Variants in MNAT1 observed in about 807,000 individuals in gnomAD.
MNAT1 encodes the protein CDK-activating kinase assembly factor MAT1.
In MNAT1, 43 loss-of-function variants were observed where a neutral mutation model predicts 42.0. The observed-to-expected ratio is 1.02, with a 90% CI of 0.80 to 1.32. The LOEUF (loss-of-function observed/expected upper bound fraction) is 1.32, where lower values mean the gene tolerates loss of function less well. Among genes scored for constraint, MNAT1 ranks in the 40% most tolerant of loss-of-function variants. The pLI is 0.00. For missense variants in MNAT1, 306 were observed against 350.4 expected (o/e 0.87, Z 1.01); for synonymous variants, 118 against 120.0 (o/e 0.98, Z 0.11).
intron 1 of MNAT1, among the ~76,000 whole-genome samples, chr14:60,789,230 GC>G (rs2031743562): frequency 6.6e-6 from 1 of 152,130 alleles, no homozygotes; most frequent in African/African-American, 2.4e-5. Flanking sequence ...AGTTGGTGAA[GC>G]AGTTGGAGTA....
chr14:60,869,646 T>G (rs2034285497), intron 6 of MNAT1, among the ~76,000 whole-genome samples: 1 of 152,198 alleles, frequency 6.6e-6, no homozygotes, highest in African/African-American at 2.4e-5. Context: ...CCTATCGGCC[T>G]AAATTGTCAG....
intron 7 of MNAT1, among the ~76,000 whole-genome samples, chr14:60,881,993 C>G (rs2034561141): frequency 6.6e-6 from 1 of 151,946 alleles, no homozygotes; most frequent in South Asian, 2.1e-4. Context: ...AACCCCGACT[C>G]TACTAAAAAT....
At chr14:60,827,595 G>C (rs2033090623) in intron 6 of MNAT1, among the ~76,000 whole-genome samples, 2 of 152,132 alleles carry the variant, frequency 1.3e-5, no homozygotes, top group East Asian at 3.9e-4. Flanking sequence ...TTTTGCCAAA[G>C]AACAAAAAAC....
At chr14:60,941,337 G>A (rs968547225) in intron 7 of MNAT1, among the ~76,000 whole-genome samples, 6 of 152,266 alleles carry the variant, frequency 3.9e-5, no homozygotes, top group Admixed American at 1.3e-4. Context: ...AGTTTAAAAT[G>A]TAGTCACACT....
At chr14:60,896,631 G>A (rs370761083) in intron 7 of MNAT1, among the ~76,000 whole-genome samples, 1 of 151,966 alleles carries the variant, frequency 6.6e-6, no homozygotes, top group African/African-American at 2.4e-5. Context: ...AAAAACAGGC[G>A]CACACCACCA....
At chr14:60,852,564 T>C (rs1458028769) in intron 6 of MNAT1, among the ~76,000 whole-genome samples, 1 of 152,226 alleles carries the variant, frequency 6.6e-6, no homozygotes, top group Non-Finnish European at 1.5e-5. Context: ...ATCCCATTTG[T>C]CAGTTTTGGC....
chr14:60,851,957 C>T (rs756243154), intron 6 of MNAT1, among the ~76,000 whole-genome samples: 23 of 152,008 alleles, frequency 1.5e-4, no homozygotes, highest in Admixed American at 9.2e-4. Context: ...ATCATTAGTG[C>T]GCATTTGGGT....
intron 1 of MNAT1, among the ~76,000 whole-genome samples, chr14:60,757,382 A>AT (rs1056019836): frequency 1.1e-3 from 168 of 150,874 alleles, no homozygotes; most frequent in African/African-American, 3.8e-3. Flanking sequence ...ATTTTAGTGC[A>AT]TTTTTTTTTA....
At chr14:60,912,459 C>G (rs1298380622) in intron 7 of MNAT1, among the ~76,000 whole-genome samples, 1 of 152,164 alleles carries the variant, frequency 6.6e-6, no homozygotes, top group Non-Finnish European at 1.5e-5. Flanking sequence ...GTGGCTGGCA[C>G]CGGTTGTTCC....
At chr14:60,799,618 G>A (rs189905585) in intron 3 of MNAT1, among the ~76,000 whole-genome samples, 1 of 151,732 alleles carries the variant, frequency 6.6e-6, no homozygotes, top group Non-Finnish European at 1.5e-5. Flanking sequence ...ATACAGAGAA[G>A]GTGAGGAATA....
At chr14:60,766,062 C>G (rs2030801903) in intron 1 of MNAT1, among the ~76,000 whole-genome samples, 1 of 152,036 alleles carries the variant, frequency 6.6e-6, no homozygotes, top group Non-Finnish European at 1.5e-5. Flanking sequence ...TGTTAAATAA[C>G]AAACTCCACT....
At chr14:60,888,866 A>C (rs892873744) in intron 7 of MNAT1, among the ~76,000 whole-genome samples, 7 of 140,736 alleles carry the variant, frequency 5.0e-5, no homozygotes, top group African/African-American at 1.6e-4. Context: ...AAAGAGAATA[A>C]AATACCTAGG....
chr14:60,849,966 G>A (rs1594801041), intron 6 of MNAT1, among the ~76,000 whole-genome samples: 1 of 151,880 alleles, frequency 6.6e-6, no homozygotes, highest in African/African-American at 2.4e-5. Flanking sequence ...CCTCCTGAGT[G>A]GCTGGGATTA....
At chr14:60,794,706 GTA>G (rs920089985) in intron 1 of MNAT1, among the ~76,000 whole-genome samples, 26 of 141,460 alleles carry the variant, frequency 1.8e-4, no homozygotes, top group Non-Finnish European at 3.6e-4. Flanking sequence ...ACATATGTGT[GTA>G]TATATATGTC....
intron 1 of MNAT1, among the ~76,000 whole-genome samples, chr14:60,787,425 TAGA>T (rs1191206874): frequency 1.3e-5 from 2 of 152,208 alleles, no homozygotes; most frequent in Non-Finnish European, 2.9e-5. Flanking sequence ...TTTGTGCTAG[TAGA>T]AGGTCTTGCC....
intron 1 of MNAT1, among the ~76,000 whole-genome samples, chr14:60,767,053 T>C (rs575614920): frequency 2.6e-5 from 4 of 152,354 alleles, no homozygotes; most frequent in African/African-American, 9.6e-5. Flanking sequence ...TGTTAAGGTT[T>C]GGATTCAGAG....
At chr14:60,930,721 A>G (rs118157516) in intron 7 of MNAT1, among the ~76,000 whole-genome samples, 221 of 152,318 alleles carry the variant, frequency 1.5e-3, no homozygotes, top group Non-Finnish European at 2.5e-3. Flanking sequence ...TTGACAGAAC[A>G]GGGTGCCTTG....
intron 7 of MNAT1, among the ~76,000 whole-genome samples, chr14:60,944,457 C>T (rs1419683701): frequency 6.6e-5 from 10 of 152,158 alleles, no homozygotes; most frequent in Non-Finnish European, 8.8e-5. Flanking sequence ...AGAGAGCCCT[C>T]GCCAGCAACC....
At chr14:60,776,392 G>C (rs1244581032) in intron 1 of MNAT1, among the ~76,000 whole-genome samples, 1 of 152,124 alleles carries the variant, frequency 6.6e-6, no homozygotes, top group Non-Finnish European at 1.5e-5. Context: ...AAGGTATGAG[G>C]GTGAGTGACT....
Sources: allele counts gnomAD v4.1 joint callset (sites outside exome capture counted in the v4.1 genomes callset), GRCh38; gene constraint gnomAD v4.1.1; transcripts MANE v1.5; gene names NCBI Gene and HGNC (gene_info 2026-07-23, HGNC 2026-07-21).